Variants in TPRG1 observed in about 807,000 individuals in gnomAD.
TPRG1 encodes tumor protein p63-regulated gene 1 protein.
Under a neutral mutation model 29.3 loss-of-function variants are expected in TPRG1, and 29 were observed. That is an observed-to-expected ratio of 0.99 (90% confidence interval 0.74 to 1.35). The LOEUF is 1.35. Ranked by LOEUF, TPRG1 falls within the 40% of genes most tolerant of loss-of-function variation. The pLI, the probability that TPRG1 is intolerant of heterozygous loss-of-function variation, is 0.00. For missense variants in TPRG1, 327 were observed against 335.0 expected (o/e 0.98, Z 0.19); for synonymous variants, 130 against 116.8 (o/e 1.11, Z -0.73).
intron 4 of TPRG1, among the ~76,000 whole-genome samples, chr3:189,052,727 T>TTATA (rs369649569): frequency 1.3e-5 from 2 of 150,582 alleles, no homozygotes; most frequent in South Asian, 4.2e-4. Flanking sequence ...AAAGAAACTA[T>TTATA]TATATATATA....
chr3:189,035,001 C>G (rs895513935), intron 4 of TPRG1, among the ~76,000 whole-genome samples: 5 of 152,058 alleles, frequency 3.3e-5, no homozygotes, highest in African/African-American at 9.7e-5. Flanking sequence ...GCAAAAAGGA[C>G]AAAGCTGGAG....
intron 4 of TPRG1, among the ~76,000 whole-genome samples, chr3:189,029,867 G>T (rs868777562): frequency 6.6e-6 from 1 of 152,120 alleles, no homozygotes; most frequent in South Asian, 2.1e-4. Context: ...CATGTGATAC[G>T]CTGGCTCCCT....
At chr3:189,257,884 T>C (rs9857444) in intron 4 of TPRG1, among the ~76,000 whole-genome samples, 13,273 of 152,258 alleles carry the variant, frequency 0.087, 717 homozygotes, top group African/African-American at 0.16. Context: ...CTGGTTAGTC[T>C]AGTTAGCAGT....
intron 1 of TPRG1, among the ~76,000 whole-genome samples, chr3:189,100,703 G>A (rs1236696663): frequency 6.6e-6 from 1 of 152,214 alleles, no homozygotes; most frequent in Non-Finnish European, 1.5e-5. Flanking sequence ...GGCTCTGTCA[G>A]ATTAAGGCTT....
Position 189,057,901 on chromosome 3 carries a change from TAC to T in TPRG1, c.-463+33960_-463+33961del, listed in dbSNP as rs1715841595. Among the ~76,000 whole-genome samples, 3 of 149,170 alleles carry T rather than the reference TAC, an allele frequency of 2.0e-5. No homozygotes were observed. In the South Asian group the frequency reaches 6.3e-4, roughly 31 times the overall value. Reference sequence around the variant, plus strand: ...ATATATATATACGTATACACATATATACACACGTATATATCTTGTATATATGA... The same window carrying T: ...ATATATATATACGTATACACATATATACACGTATATATCTTGTATATATGA... On this transcript the variant is annotated intron_variant, in intron 4 of 10. Transcript: ENST00000433971.
chr3:189,106,112 A>C, intron 1 of TPRG1, among the ~76,000 whole-genome samples: 1 of 152,176 alleles, frequency 6.6e-6, no homozygotes, highest in East Asian at 1.9e-4. Flanking sequence ...CAGAAACAAA[A>C]CAAAACAAAA....
At chr3:189,221,096 G>C (rs9832791) in intron 3 of TPRG1, among the ~76,000 whole-genome samples, 99,322 of 152,086 alleles carry the variant, frequency 0.65, 33,514 homozygotes, top group African/African-American at 0.84. Flanking sequence ...TAAGAAATAT[G>C]TATCAGTGGG....
chr3:189,125,244 C>G (rs1722315028), intron 1 of TPRG1, among the ~76,000 whole-genome samples: 1 of 152,180 alleles, frequency 6.6e-6, no homozygotes, highest in Non-Finnish European at 1.5e-5. Context: ...TGTTGTTCCA[C>G]AAACAAGACA....
intron 3 of TPRG1, among the ~76,000 whole-genome samples, chr3:189,015,435 A>C (rs1180880936): frequency 6.6e-6 from 1 of 152,180 alleles, no homozygotes; most frequent in East Asian, 1.9e-4. Context: ...GGTAGAGAAG[A>C]AAAAAACATT....
At position 189,173,075 on chromosome 3, in the gene TPRG1, C is replaced by T. The variant is rs113303405; in HGVS notation, c.-10+944C>T. Among the ~76,000 whole-genome samples the T allele has an allele frequency of 8.5e-4, 130 of 152,270 alleles. 3 individuals carry two copies. The highest frequency in any genetic ancestry group is 3.4e-3 in the Middle Eastern group (1 of 292). ...TTCTACAGTTTTAAGGAAATCTCATCTTCAGTTATTATGTAGTTTACTTTT... is the reference window on the plus strand; with the variant it reads ...TTCTACAGTTTTAAGGAAATCTCATTTTCAGTTATTATGTAGTTTACTTTT... On this transcript the variant is annotated intron_variant, in intron 1 of 5. Coordinates refer to ENST00000345063, the MANE Select transcript of TPRG1 (RefSeq NM_198485.4).
chr3:189,226,236 A>T (rs879548615), intron 3 of TPRG1, among the ~76,000 whole-genome samples: 5 of 152,260 alleles, frequency 3.3e-5, no homozygotes, highest in Admixed American at 3.3e-4. Flanking sequence ...ACGGATGCTG[A>T]TGCAGTATTT....
At chr3:189,287,936 C>T (rs1718344899) in intron 4 of TPRG1, among the ~76,000 whole-genome samples, 1 of 151,922 alleles carries the variant, frequency 6.6e-6, no homozygotes, top group Non-Finnish European at 1.5e-5. Flanking sequence ...ATGACTTTAT[C>T]ACCCAACTTT....
At chr3:189,059,593 A>AAAAAAC (rs1469753663) in intron 4 of TPRG1, among the ~76,000 whole-genome samples, 5 of 152,134 alleles carry the variant, frequency 3.3e-5, no homozygotes, top group South Asian at 2.1e-4. Context: ...CTCCATCTTA[A>AAAAAAC]AAAAACAAAA....
intron 1 of TPRG1, among the ~76,000 whole-genome samples, chr3:189,198,314 T>A (rs1390954455): frequency 1.3e-5 from 2 of 152,164 alleles, no homozygotes; most frequent in Non-Finnish European, 2.9e-5. Flanking sequence ...CCACTCACCA[T>A]CTTCTGTCTC....
chr3:189,239,301 G>A (rs549070681), intron 4 of TPRG1, among the ~76,000 whole-genome samples: 17 of 152,176 alleles, frequency 1.1e-4, no homozygotes, highest in East Asian at 1.9e-4. Flanking sequence ...ATCAAGTCTC[G>A]TGAGACTTAT....
chr3:189,282,599 CCTTT>C (rs1396938267), intron 4 of TPRG1, among the ~76,000 whole-genome samples: 2 of 152,102 alleles, frequency 1.3e-5, no homozygotes, highest in Admixed American at 1.3e-4. Flanking sequence ...CCTCTCTCTG[CCTTT>C]CTTTCATAAC....
intron 1 of TPRG1, among the ~76,000 whole-genome samples, chr3:189,179,760 C>T (rs1729966897): frequency 6.6e-6 from 1 of 152,164 alleles, no homozygotes; most frequent in Non-Finnish European, 1.5e-5. Context: ...ATGTAGCACT[C>T]TTTTATGCCA....
intron 4 of TPRG1, among the ~76,000 whole-genome samples, chr3:189,253,305 G>T (rs1288327836): frequency 6.6e-6 from 1 of 152,106 alleles, no homozygotes; most frequent in African/African-American, 2.4e-5. Context: ...TGTGGTGTTT[G>T]GAACCACTCA....
upstream of TPRG1, among the ~76,000 whole-genome samples, chr3:189,169,948 A>G (rs1396721610): frequency 1.3e-5 from 2 of 152,196 alleles, no homozygotes; most frequent in Non-Finnish European, 2.9e-5. Flanking sequence ...AGGCTGCAGT[A>G]TGGCGGAGCT....
Sources: gnomAD v4.1 joint callset for allele counts (sites outside exome capture counted in the v4.1 genomes callset) on GRCh38, gnomAD v4.1.1 for gene constraint, MANE v1.5 for transcripts, NCBI Gene and HGNC (gene_info 2026-07-23, HGNC 2026-07-21) for gene names.